The following SIAH1 variants were observed in gnomAD, a reference collection of about 807,000 sequenced individuals.
The protein encoded by SIAH1 is siah E3 ubiquitin protein ligase 1.
In SIAH1, 2 loss-of-function variants were observed where a neutral mutation model predicts 20.0. The ratio of observed to expected loss-of-function variants is 0.10; its 90% CI spans 0.04 to 0.31. The LOEUF is 0.31. Ranked by LOEUF, SIAH1 falls within the 10% of genes least tolerant of loss-of-function variation. SIAH1 has a pLI of 1.00. For missense variants in SIAH1, 119 were observed against 355.3 expected (o/e 0.33, Z 5.35); for synonymous variants, 118 against 125.3 (o/e 0.94, Z 0.39).
At chr16:48,384,090 C>A (rs1961368872) in intron 1 of SIAH1, among the ~76,000 whole-genome samples, 1 of 152,186 alleles carries the variant, frequency 6.6e-6, no homozygotes, top group Non-Finnish European at 1.5e-5. Flanking sequence ...CAGGATTTGA[C>A]CCAAAGCAGA....
At chr16:48,385,856 G>GCC (rs1961451416), upstream of SIAH1, among the ~76,000 whole-genome samples, 1 of 152,114 alleles carries the variant, frequency 6.6e-6, no homozygotes, top group Non-Finnish European at 1.5e-5. Context: ...TTAGCCCAGC[G>GCC]CCTCCACGGA....
rs1233249731 is a variant in SIAH1 at position 48,362,033 on chromosome 16, A to C, written c.396T>G (p.Gly132=). ...EFRPYSCPCP[G]ASCKWQGSLD... is the part of the protein sequence containing the mutation. ...GAGAGCCTTGCCATTTACAGGAAGC[A>C]CCAGGGCACGGACAGGAATAAGGCC... Residue 132 remains glycine, a synonymous_variant, in exon 2 of 2, where the codon GGT becomes GGG. Transcript: ENST00000394725. The surrounding 1 kb of genome is among the most constrained non-coding windows in gnomAD (Gnocchi z 4.2). The C allele has an allele frequency of 1.2e-6, 2 of 1,614,204 alleles. No homozygotes were observed. The highest frequency in any genetic ancestry group is 1.7e-6 in the Non-Finnish European group (2 of 1,180,028).
intron 1 of SIAH1, chr16:48,363,441 TAAAA>T (rs1410131238): frequency 1.2e-5 from 2 of 166,922 alleles, no homozygotes; most frequent in Non-Finnish European, 2.9e-5. Context: ...TAAAAATAAA[TAAAA>T]ACACAACTAA....
In SIAH1 at chr16:48,362,471, A is replaced by G. The variant is rs1314442882; in HGVS notation, c.-2-41T>C. 6.3e-7 allele frequency: 1 copy of G among 1,596,294 alleles called. No homozygotes were observed. Among genetic ancestry groups the G allele is most frequent in the Non-Finnish European group, 8.6e-7 (1 of 1,166,552 alleles). On this transcript the variant is annotated intron_variant, in intron 1 of 1. Transcript: ENST00000394725. The surrounding 1 kb of genome is among the most constrained non-coding windows in gnomAD (Gnocchi z 4.2). Reference sequence around the variant, plus strand: ...AAGGAGGCAGGAGAAAAATAATTATAACCATGACTTACTTTATAAATAATG... The same window carrying G: ...AAGGAGGCAGGAGAAAAATAATTATGACCATGACTTACTTTATAAATAATG...
chr16:48,384,789 G>A (rs1407806828), intron 1 of SIAH1, among the ~76,000 whole-genome samples: 1 of 150,780 alleles, frequency 6.6e-6, no homozygotes, highest in Non-Finnish European at 1.5e-5. Context: ...CGCCATGTTG[G>A]CCGCACACCC....
intron 1 of SIAH1, among the ~76,000 whole-genome samples, chr16:48,380,761 T>C (rs1389094188): frequency 6.6e-6 from 1 of 151,160 alleles, no homozygotes; most frequent in East Asian, 2.0e-4. Flanking sequence ...CCGTCTCTAC[T>C]AAAAGTAAAA....
intron 1 of SIAH1, among the ~76,000 whole-genome samples, chr16:48,371,079 AC>A (rs201600559): frequency 0.038 from 5,569 of 147,682 alleles, 146 homozygotes; most frequent in Middle Eastern, 0.067. Context: ...GTGCCATTGC[AC>A]TCCAGTCTGG....
chr16:48,384,243 GTCTC>G (rs971422652), intron 1 of SIAH1, among the ~76,000 whole-genome samples: 2 of 152,050 alleles, frequency 1.3e-5, no homozygotes, highest in African/African-American at 2.4e-5. Flanking sequence ...CAGTATCCAT[GTCTC>G]TCTGTTTGTT....
intron 1 of SIAH1, among the ~76,000 whole-genome samples, chr16:48,378,288 G>A (rs1030405993): frequency 7.2e-5 from 11 of 152,204 alleles, no homozygotes; most frequent in African/African-American, 2.4e-4. Flanking sequence ...GGGAGGTGGA[G>A]GTTGCCGTGA....
intron 1 of SIAH1, chr16:48,365,857 G>GCGCT (rs1185873123): frequency 3.2e-6 from 4 of 1,250,620 alleles, no homozygotes; most frequent in Non-Finnish European, 4.0e-6. Context: ...AGAAGGAAGT[G>GCGCT]CGCTCCCTGA....
intron 1 of SIAH1, among the ~76,000 whole-genome samples, chr16:48,373,636 T>C (rs1961035280): frequency 6.6e-6 from 1 of 152,182 alleles, no homozygotes; most frequent in Admixed American, 6.5e-5. Context: ...TTCCCAGCTA[T>C]GTCTCCCACC....
chr16:48,377,723 C>T lies in SIAH1; in HGVS notation c.-3+7481G>A, dbSNP rs116809484. Among the ~76,000 whole-genome samples, 453 of 150,610 alleles carry T rather than the reference C, an allele frequency of 3.0e-3. 6 individuals carry two copies. The highest frequency in any genetic ancestry group is 9.3e-3 in the African/African-American group (383 of 41,120). ...CTGAAGATTTAAGGAAAAAAAAAAT[C>T]GTTCTAGAAATACTGGTCAGAAAGT... On this transcript the variant is annotated intron_variant, in intron 1 of 1. Coordinates refer to ENST00000394725, the MANE Select transcript of SIAH1 (RefSeq NM_003031.4).
chr16:48,384,577 T>C (rs1033364111), intron 1 of SIAH1, among the ~76,000 whole-genome samples: 9 of 152,240 alleles, frequency 5.9e-5, no homozygotes, highest in Middle Eastern at 3.4e-3. Flanking sequence ...GGCTGCATTC[T>C]TCCCACTGCA....
chr16:48,365,902 C>T (rs1168900134), intron 1 of SIAH1: 1 of 1,230,622 alleles, frequency 8.1e-7, no homozygotes, highest in Admixed American at 4.1e-5. Context: ...GCCTGCCTGC[C>T]GGGAGAGCCA....
chr16:48,383,742 T>C (rs977949717), intron 1 of SIAH1, among the ~76,000 whole-genome samples: 6 of 152,198 alleles, frequency 3.9e-5, no homozygotes, highest in Admixed American at 6.5e-5. Flanking sequence ...TAATTTATCA[T>C]ACAAATCTCC....
chr16:48,377,758 G>C (rs559731319), intron 1 of SIAH1, among the ~76,000 whole-genome samples: 77 of 152,012 alleles, frequency 5.1e-4, no homozygotes, highest in Admixed American at 9.2e-4. Flanking sequence ...TATTTGAGAT[G>C]GTCAGGGAAA....
chr16:48,370,309 G>A (rs187465148), intron 1 of SIAH1, among the ~76,000 whole-genome samples: 17 of 151,864 alleles, frequency 1.1e-4, no homozygotes, highest in East Asian at 5.8e-4. Flanking sequence ...TAATTTTCTC[G>A]TCTTTCCTTG....
At chr16:48,384,789 G>C (rs1407806828) in intron 1 of SIAH1, among the ~76,000 whole-genome samples, 1 of 150,874 alleles carries the variant, frequency 6.6e-6, no homozygotes, top group East Asian at 2.0e-4. Flanking sequence ...CGCCATGTTG[G>C]CCGCACACCC....
chr16:48,361,538 C>T lies in SIAH1; in HGVS notation c.*42G>A. On this transcript the variant is annotated 3_prime_UTR_variant, in exon 2 of 2. Coordinates refer to ENST00000394725, the MANE Select transcript of SIAH1 (RefSeq NM_003031.4). Reference sequence around the variant, plus strand: ...GATGGGTGCCTTATTTTCTGTGAAACTGAAGTTTTAAACACTGGCCAGAAA... The same window carrying T: ...GATGGGTGCCTTATTTTCTGTGAAATTGAAGTTTTAAACACTGGCCAGAAA... 1 of 1,593,432 alleles carries T rather than the reference C, an allele frequency of 6.3e-7. No individual in the cohort carries two copies. Among genetic ancestry groups the T allele is most frequent in the Non-Finnish European group, 8.6e-7 (1 of 1,168,820 alleles).
Sources: gnomAD v4.1 joint callset for allele counts (sites outside exome capture counted in the v4.1 genomes callset) on GRCh38, gnomAD v4.1.1 for gene constraint, Gnocchi (gnomAD v3.1) non-coding constraint, MANE v1.5 for transcripts, NCBI Gene and HGNC (gene_info 2026-07-23, HGNC 2026-07-21) for gene names.